ZNF486: variants seen among roughly 807,000 people sequenced by gnomAD.
ZNF486 encodes KRAB box only protein 2.
ZNF486 carries 12 observed loss-of-function variants against 12.8 expected under a neutral mutation model. The observed-to-expected ratio is 0.94, with a 90% confidence interval of 0.60 to 1.52. ZNF486 has a LOEUF of 1.52. Ranked by LOEUF, ZNF486 falls within the 40% of genes most tolerant of loss-of-function variation. The probability of loss-of-function intolerance (pLI) is 0.00; values close to 1 mark genes in which losing one functional copy is unlikely to be tolerated. For synonymous variants in ZNF486, 231 were observed against 184.9 expected (o/e 1.25, Z -2.02); for missense variants, 738 against 545.0 (o/e 1.35, Z -3.53).
chr19:20,174,400 CTTT>C (rs34383133), intron 1 of ZNF486, among the ~76,000 whole-genome samples: 1 of 142,476 alleles, frequency 7.0e-6, no homozygotes, highest in Non-Finnish European at 1.5e-5. Flanking sequence ...TTTCTTTCTT[CTTT>C]TTTTTTTTTG....
intron 3 of ZNF486, among the ~76,000 whole-genome samples, chr19:20,192,372 G>T (rs1036657241): frequency 6.6e-6 from 1 of 152,014 alleles, no homozygotes; most frequent in South Asian, 2.1e-4. Context: ...GTGCAATGGC[G>T]TGAGCTCACT....
At chr19:20,175,058 C>T (rs2089690497) in intron 1 of ZNF486, 1 of 152,178 alleles carries the variant, frequency 6.6e-6, no homozygotes, top group Non-Finnish European at 1.5e-5. Context: ...CAATATAGAA[C>T]CTCCATTCAA....
intron 3 of ZNF486, among the ~76,000 whole-genome samples, chr19:20,186,899 C>A (rs2089853700): frequency 1.3e-5 from 2 of 149,190 alleles, no homozygotes; most frequent in Non-Finnish European, 2.9e-5. Flanking sequence ...TTCTCTGCCT[C>A]AGCCTCCTGT....
intron 1 of ZNF486, chr19:20,175,342 T>TTTTTTAATTTA (rs1555714517): frequency 6.8e-6 from 1 of 146,176 alleles, no homozygotes; most frequent in African/African-American, 2.5e-5. Flanking sequence ...TTTTTTTTTT[T>TTTTTTAATTTA]TTTTTTTTAT....
At chr19:20,177,563 GT>G (rs778293468) in intron 1 of ZNF486, among the ~76,000 whole-genome samples, 2 of 152,160 alleles carry the variant, frequency 1.3e-5, no homozygotes, top group African/African-American at 2.4e-5. Flanking sequence ...TCACATTCAA[GT>G]TTAATTGTAA....
rs781937690 is a variant in ZNF486, at chr19:20,197,256, G to A, written c.546G>A (p.Leu182=). The change falls in exon 4 of 4, where the codon TTG becomes TTA. Residue 182 remains leucine (L), a synonymous_variant. Coordinates refer to ENST00000335117, the MANE Select transcript of ZNF486 (RefSeq NM_052852.4). ...HKRRHTEKKP[L]KYIEGDKAFN... ...GAAGACATACTGAAAAAAAACCTTT[G>A]AAATATATAGAAGGTGACAAAGCTT... The A allele has an allele frequency of 3.1e-6, 5 of 1,611,516 alleles. No individual in the cohort carries two copies. Among genetic ancestry groups the A allele is most frequent in the Non-Finnish European group, 3.4e-6 (4 of 1,179,394 alleles).
intron 1 of ZNF486, among the ~76,000 whole-genome samples, chr19:20,167,780 C>A (rs950268690): frequency 2.5e-4 from 38 of 152,046 alleles, no homozygotes; most frequent in Non-Finnish European, 1.2e-4. Context: ...CGGTGGTTGA[C>A]GTCTGTAATC....
chr19:20,173,210 T>A (rs1401520923), intron 1 of ZNF486, among the ~76,000 whole-genome samples: 1 of 152,204 alleles, frequency 6.6e-6, no homozygotes, highest in Admixed American at 6.5e-5. Context: ...TACATTTAAG[T>A]CTTTAATTTA....
chr19:20,174,193 A>C (rs1555714321), intron 1 of ZNF486, among the ~76,000 whole-genome samples: 1 of 152,194 alleles, frequency 6.6e-6, no homozygotes, highest in Non-Finnish European at 1.5e-5. Context: ...AGATTATCCA[A>C]GGAAATTATC....
intron 3 of ZNF486, among the ~76,000 whole-genome samples, chr19:20,196,025 G>C (rs1323080607): frequency 6.6e-6 from 1 of 152,154 alleles, no homozygotes; most frequent in Non-Finnish European, 1.5e-5. Context: ...TTACATTTTT[G>C]TGTGTATGTG....
Position 20,197,820 on chromosome 19 carries a change from A to G in ZNF486, c.1110A>G (p.Ile370Met). The change falls in exon 4 of 4, where the codon ATA becomes ATG. Residue 370 changes from isoleucine to methionine, a missense_variant. By Grantham distance (10) the Ile-to-Met change is conservative (BLOSUM62 1). Coordinates refer to ENST00000335117, the MANE Select transcript of ZNF486 (RefSeq NM_052852.4). ...TRSSHLTMHK[I>M]IHTGEKPYKC... Reference sequence around the variant, plus strand: ...CCTCACACCTTACTATGCATAAGATAATTCATACTGGAGAGAAACCATACA... The same window carrying G: ...CCTCACACCTTACTATGCATAAGATGATTCATACTGGAGAGAAACCATACA... 1 of 1,613,798 alleles carries G rather than the reference A, an allele frequency of 6.2e-7. No homozygotes were observed. Among genetic ancestry groups the G allele is most frequent in the Non-Finnish European group, 8.5e-7 (1 of 1,179,940 alleles).
At chr19:20,185,008 G>T (rs542598462) in intron 2 of ZNF486, among the ~76,000 whole-genome samples, 7 of 152,262 alleles carry the variant, frequency 4.6e-5, no homozygotes, top group Non-Finnish European at 8.8e-5. Flanking sequence ...CTACTCCGGA[G>T]GCTGAGGCAG....
intron 3 of ZNF486, among the ~76,000 whole-genome samples, chr19:20,190,581 C>CA (rs1468498976): frequency 6.4e-4 from 98 of 152,192 alleles, no homozygotes; most frequent in African/African-American, 2.2e-3. Context: ...GTTAGGATCT[C>CA]ATTATGTTGT....
rs1415913296 is a variant in ZNF486 at position 20,181,002 on chromosome 19, G to C, written c.31-3354G>C. ...ACTCTGGGATTTAAGTTTCTTTTAG[G>C]TAAGCTTAGAAGAAACAAAACTGGA... On this transcript the variant is annotated intron_variant, in intron 1 of 3. Coordinates refer to ENST00000335117, the MANE Select transcript of ZNF486 (RefSeq NM_052852.4). 2.0e-5 allele frequency among the ~76,000 whole-genome samples: 3 copies of C among 152,230 alleles called. No individual in the cohort carries two copies. The East Asian group carries it at 5.8e-4, about 29-fold the overall frequency.
At chr19:20,181,300 G>A (rs571120507) in intron 1 of ZNF486, among the ~76,000 whole-genome samples, 13 of 152,056 alleles carry the variant, frequency 8.5e-5, no homozygotes, top group African/African-American at 2.4e-4. Context: ...AGCACTTTGG[G>A]AGGCCAAGGC....
intron 1 of ZNF486, among the ~76,000 whole-genome samples, chr19:20,171,698 C>G (rs901383574): frequency 2.0e-5 from 3 of 152,262 alleles, no homozygotes; most frequent in Admixed American, 6.5e-5. Flanking sequence ...CACTCTCTCC[C>G]ACCCAGGAAT....
chr19:20,171,368 C>G (rs1331657862), intron 1 of ZNF486, among the ~76,000 whole-genome samples: 1 of 152,226 alleles, frequency 6.6e-6, no homozygotes, highest in Non-Finnish European at 1.5e-5. Flanking sequence ...TTCCCACCCA[C>G]TCACAAACAC....
intron 1 of ZNF486, among the ~76,000 whole-genome samples, chr19:20,182,990 T>C (rs1199966394): frequency 3.3e-5 from 5 of 152,276 alleles, no homozygotes; most frequent in Non-Finnish European, 5.9e-5. Context: ...ATGAGTTTAG[T>C]ACTCACAAAC....
chr19:20,186,809 A>C (rs2089852814), intron 3 of ZNF486, among the ~76,000 whole-genome samples: 2 of 87,478 alleles, frequency 2.3e-5, no homozygotes, highest in Non-Finnish European at 2.1e-5. Context: ...TTTGAGAAGG[A>C]GTCTTGCTCT....
Sources: gnomAD v4.1 joint callset for allele counts (sites outside exome capture counted in the v4.1 genomes callset) on GRCh38, gnomAD v4.1.1 for gene constraint, MANE v1.5 for transcripts, NCBI Gene and HGNC (gene_info 2026-07-23, HGNC 2026-07-21) for gene names.